The following DNM1L variants were observed in gnomAD, a reference collection of about 807,000 sequenced individuals.
DNM1L encodes dynamin 1L.
DNM1L carries 33 observed loss-of-function variants against 92.8 expected under a neutral mutation model. The observed-to-expected ratio is 0.36, with a 90% CI of 0.27 to 0.48. The LOEUF (loss-of-function observed/expected upper bound fraction) is 0.48, where lower values mean the gene tolerates loss of function less well. Ranked by LOEUF, DNM1L falls within the 20% of genes least tolerant of loss-of-function variation. DNM1L has a pLI of 0.99. For synonymous variants in DNM1L, 284 were observed against 305.0 expected, an observed-to-expected ratio of 0.93 and a Z score of 0.72; for missense variants, 485 against 888.8, an observed-to-expected ratio of 0.55 and a Z score of 5.78.
At chr12:32,681,995 TCC>T (rs760799831) in intron 1 of DNM1L, among the ~76,000 whole-genome samples, 3 of 148,702 alleles carry the variant, frequency 2.0e-5, no homozygotes, top group African/African-American at 7.5e-5. Context: ...CCCTGATTCT[TCC>T]AAAAAAAAAT....
intron 18 of DNM1L, 74 bp downstream of exon 18, chr12:32,740,592 T>C (rs952766855): frequency 1.5e-6 from 2 of 1,333,354 alleles, no homozygotes; most frequent in Admixed American, 4.1e-5. Context: ...GAAAAATACA[T>C]GTATTTTTAC....
intron 2 of DNM1L, chr12:32,705,860 A>G (rs1428239143): frequency 3.1e-6 from 5 of 1,597,952 alleles, no homozygotes; most frequent in Middle Eastern, 1.7e-4. Context: ...ACACCTTTCT[A>G]AAGGTTTCCT....
rs1183984041 is a variant in DNM1L at position 32,701,302 on chromosome 12, A to C, written c.103-113A>C. The C allele has an allele frequency of 3.9e-5, 36 of 927,020 alleles. No homozygotes were observed. In the Admixed American group the frequency reaches 9.6e-4, roughly 25 times the overall value. The allele number at this position is 927,020 out of a possible 1,614,324, so 57.4% of individuals were successfully genotyped here. On this transcript the variant is annotated intron_variant, in intron 1 of 19. Transcript: ENST00000549701. Reference sequence around the variant, plus strand: ...AAAAAAAAAAAAAAATAGTCTCTGCACTAATTTTTCCTTTAAAATAATTCT... The same window carrying C: ...AAAAAAAAAAAAAAATAGTCTCTGCCCTAATTTTTCCTTTAAAATAATTCT...
chr12:32,730,556 C>T (rs1236420283), intron 9 of DNM1L, among the ~76,000 whole-genome samples: 1 of 152,134 alleles, frequency 6.6e-6, no homozygotes, highest in Non-Finnish European at 1.5e-5. Context: ...TCTATGGCTG[C>T]TTATGTGCTT....
chr12:32,726,463 C>A (rs1954148574), intron 9 of DNM1L: 2 of 1,225,728 alleles, frequency 1.6e-6, no homozygotes, highest in African/African-American at 3.0e-5. Context: ...TTGTCCTCTT[C>A]CTCATCTGCT....
At chr12:32,686,944 T>C (rs1003981286) in intron 1 of DNM1L, among the ~76,000 whole-genome samples, 2 of 143,028 alleles carry the variant, frequency 1.4e-5, no homozygotes, top group Admixed American at 6.9e-5. Flanking sequence ...TTTCTTTTTT[T>C]TTTTTTTTTT....
chr12:32,727,965 T>C (rs769724682), intron 9 of DNM1L, among the ~76,000 whole-genome samples: 2 of 152,220 alleles, frequency 1.3e-5, no homozygotes, highest in Non-Finnish European at 2.9e-5. Context: ...TGTTAGCATA[T>C]TGTACTGTTT....
intron 3 of DNM1L, among the ~76,000 whole-genome samples, chr12:32,707,679 G>T (rs1053981505): frequency 6.6e-6 from 1 of 152,182 alleles, no homozygotes; most frequent in Admixed American, 6.5e-5. Context: ...GCCAGGCATA[G>T]TGGCTAATGC....
intron 2 of DNM1L, among the ~76,000 whole-genome samples, chr12:32,703,059 T>C (rs929978545): frequency 1.2e-4 from 16 of 135,826 alleles, no homozygotes; most frequent in Admixed American, 2.8e-4. Context: ...CTCTCTCTCT[T>C]TTTTTTTTTT....
At position 32,743,494 on chromosome 12, in the gene DNM1L, CTGTGTA is replaced by C; in HGVS notation, c.*86_*91del. On this transcript the variant is annotated 3_prime_UTR_variant, in exon 20 of 20. Coordinates refer to ENST00000549701, the MANE Select transcript of DNM1L (RefSeq NM_012062.5). ...TGAGTAGAATCTTATTTATGAACTC[CTGTGTA>C]TTGCAATGGTATGAATCTGCTCATG... 7.8e-7 allele frequency: 1 copy of C among 1,290,098 alleles called. No homozygotes were observed. The highest frequency in any genetic ancestry group is 1.1e-6 in the Non-Finnish European group (1 of 893,578). The allele number at this position is 1,290,098 out of a possible 1,614,324, so 79.9% of individuals were successfully genotyped here.
intron 14 of DNM1L, 50 bp from the exon 15 acceptor site, chr12:32,737,815 G>A: frequency 7.5e-7 from 1 of 1,339,210 alleles, no homozygotes; most frequent in Non-Finnish European, 1.1e-6. Context: ...GTTCCTGAAT[G>A]CATTTTTGCA....
chr12:32,714,493 C>T (rs1288956227), intron 6 of DNM1L, among the ~76,000 whole-genome samples: 1 of 151,548 alleles, frequency 6.6e-6, no homozygotes, highest in Non-Finnish European at 1.5e-5. Context: ...AGGATGGTCT[C>T]GATCTCCTGA....
In DNM1L at chr12:32,743,441, A is replaced by G. The variant is rs775496884; in HGVS notation, c.*31A>G. The G allele has an allele frequency of 6.2e-7, 1 of 1,608,076 alleles. No individual in the cohort carries two copies. Among genetic ancestry groups the G allele is most frequent in the Admixed American group, 1.7e-5 (1 of 59,998 alleles). On this transcript the variant is annotated 3_prime_UTR_variant, in exon 20 of 20. Coordinates refer to ENST00000549701, the MANE Select transcript of DNM1L (RefSeq NM_012062.5). ...ACTATGTAATACTGAGACTTTGTTG[A>G]CTCAAAACTTGCTAGTTACTGCCTA...
intron 1 of DNM1L, among the ~76,000 whole-genome samples, chr12:32,694,817 GAT>G (rs1246763448): frequency 6.6e-6 from 1 of 152,186 alleles, no homozygotes; most frequent in Non-Finnish European, 1.5e-5. Flanking sequence ...TGGAACTTCT[GAT>G]GGAGCGGAGA....
intron 9 of DNM1L, among the ~76,000 whole-genome samples, chr12:32,724,579 A>C: frequency 2.1e-5 from 1 of 47,032 alleles, no homozygotes; most frequent in African/African-American, 7.3e-5. Context: ...CTATCTCCAA[A>C]AAAAAAAAAA....
chr12:32,711,720 C>G (rs986469319), intron 5 of DNM1L, among the ~76,000 whole-genome samples: 1 of 151,948 alleles, frequency 6.6e-6, no homozygotes, highest in African/African-American at 2.4e-5. Context: ...CATAGGGAGA[C>G]CACGTCTCTA....
chr12:32,715,938 A>G (rs540236771), intron 6 of DNM1L, among the ~76,000 whole-genome samples: 1 of 152,320 alleles, frequency 6.6e-6, no homozygotes, highest in East Asian at 1.9e-4. Context: ...ATAAAAAACT[A>G]TATGCAAATG....
Position 32,731,586 on chromosome 12 carries a change from G to A in DNM1L, c.1356+75G>A. 1 of 1,575,300 alleles carries A rather than the reference G, an allele frequency of 6.3e-7. No homozygotes were observed. The highest frequency in any genetic ancestry group is 1.3e-5 in the African/African-American group (1 of 74,416). ...AAGTGGTGGTTTCACTGGGTGGAAG[G>A]AAATGTATAAGATGGGATACAAGGT... is the stretch of plus-strand genomic sequence containing the variant. On this transcript the variant is annotated intron_variant, in intron 11 of 19. Transcript: ENST00000549701. This position sits in a 1 kb window ranked among gnomAD's most constrained non-coding sequence, Gnocchi z 5.1.
intron 13 of DNM1L, among the ~76,000 whole-genome samples, chr12:32,736,671 C>G (rs1302565915): frequency 1.3e-5 from 2 of 152,128 alleles, no homozygotes; most frequent in African/African-American, 2.4e-5. Context: ...CAAAGGTGTT[C>G]AGGTTAGAGT....
Sources: gnomAD v4.1 joint callset for allele counts (sites outside exome capture counted in the v4.1 genomes callset) on GRCh38, gnomAD v4.1.1 for gene constraint, Gnocchi (gnomAD v3.1) non-coding constraint, MANE v1.5 for transcripts, NCBI Gene and HGNC (gene_info 2026-07-23, HGNC 2026-07-21) for gene names.